Variants in TMEM135 observed in about 807,000 individuals in gnomAD.
TMEM135 encodes the protein peroxisomal membrane protein 52.
In TMEM135, 30 loss-of-function variants were observed where a neutral mutation model predicts 60.3. That is an observed-to-expected ratio of 0.50 (90% CI 0.37 to 0.68). The LOEUF is 0.68. Ranked by LOEUF, TMEM135 falls within the 30% of genes least tolerant of loss-of-function variation. The probability of loss-of-function intolerance (pLI) is 0.00; values close to 1 mark genes in which losing one functional copy is unlikely to be tolerated. For synonymous variants in TMEM135, 190 were observed against 186.7 expected (o/e 1.02, Z -0.14); for missense variants, 468 against 548.8 (o/e 0.85, Z 1.47).
intron 5 of TMEM135, among the ~76,000 whole-genome samples, chr11:87,232,967 A>G (rs771695918): frequency 4.8e-4 from 73 of 152,180 alleles, no homozygotes; most frequent in Non-Finnish European, 6.9e-4. Flanking sequence ...CCTGGCTGAC[A>G]TGGTGAAACC....
At chr11:87,279,081 A>G (rs1288864898) in intron 6 of TMEM135, among the ~76,000 whole-genome samples, 2 of 151,872 alleles carry the variant, frequency 1.3e-5, no homozygotes, top group East Asian at 1.9e-4. Flanking sequence ...ATATGCCACA[A>G]TTTGTTTATG....
At chr11:87,191,130 G>A (rs2135316632) in intron 5 of TMEM135, among the ~76,000 whole-genome samples, 1 of 152,176 alleles carries the variant, frequency 6.6e-6, no homozygotes, top group South Asian at 2.1e-4. Flanking sequence ...CTCTCCATAA[G>A]TTTGCTTCGT....
Position 87,324,117 on chromosome 11 carries a change from C to T in TMEM135, c.*2784C>T, listed in dbSNP as rs1942875957. 1 of 453,964 alleles carries T rather than the reference C, an allele frequency of 2.2e-6. No individual in the cohort carries two copies. The highest frequency in any genetic ancestry group is 1.6e-5 in the South Asian group (1 of 64,478). The allele number at this position is 453,964 out of a possible 1,614,324, so 28.1% of individuals were successfully genotyped here. ...TTTCTTGTTGTGCTCGAGTGTTCGT[C>T]TCCTTGTAGATTGTATCTAGGCTAA... On this transcript the variant is annotated 3_prime_UTR_variant, in exon 15 of 15. Transcript: ENST00000305494.
chr11:87,132,510 T>G (rs114715110), intron 4 of TMEM135, among the ~76,000 whole-genome samples: 8 of 152,158 alleles, frequency 5.3e-5, no homozygotes, highest in Non-Finnish European at 7.3e-5. Flanking sequence ...GTACATGATA[T>G]TGGATTCATT....
chr11:87,114,132 CTCA>C (rs1257505731), intron 4 of TMEM135, among the ~76,000 whole-genome samples: 2 of 151,972 alleles, frequency 1.3e-5, no homozygotes, highest in Non-Finnish European at 2.9e-5. Context: ...GAGTTTACCT[CTCA>C]TCTAGTCTCT....
intron 4 of TMEM135, among the ~76,000 whole-genome samples, chr11:87,127,592 T>A (rs978537256): frequency 1.5e-4 from 23 of 152,300 alleles, no homozygotes; most frequent in Admixed American, 1.5e-3. Context: ...TTATATAAAT[T>A]CAAACAAAAC....
At chr11:87,062,534 G>A (rs916052663) in intron 1 of TMEM135, among the ~76,000 whole-genome samples, 1 of 149,668 alleles carries the variant, frequency 6.7e-6, no homozygotes, top group Non-Finnish European at 1.5e-5. Context: ...TGTGATCTCA[G>A]CTCACTGCAA....
In TMEM135 at chr11:87,109,429, A is replaced by C. The variant is rs528157007; in HGVS notation, c.396+18034A>C. 3.3e-5 allele frequency among the ~76,000 whole-genome samples: 5 copies of C among 152,342 alleles called. No individual in the cohort carries two copies. In the East Asian group the frequency reaches 9.6e-4, roughly 29 times the overall value. On this transcript the variant is annotated intron_variant, in intron 4 of 14. Transcript: ENST00000305494. ...ATACACTGTAATAAAAGTTATGTGA[A>C]TGTGGTATCTCTGTGTCTCTGAGAA...
At chr11:87,038,222 G>C (rs777818683) in intron 1 of TMEM135, 36 bp downstream of exon 1, 5 of 1,613,378 alleles carry the variant, frequency 3.1e-6, no homozygotes, top group Non-Finnish European at 4.2e-6. Flanking sequence ...GGCGAGTTTA[G>C]TCTGGAAGAT....
intron 12 of TMEM135, among the ~76,000 whole-genome samples, chr11:87,317,179 A>G (rs1321120954): frequency 1.3e-5 from 2 of 152,044 alleles, no homozygotes; most frequent in Admixed American, 1.3e-4. Context: ...TTAACTTAGA[A>G]TCTGGTTTAT....
intron 5 of TMEM135, among the ~76,000 whole-genome samples, chr11:87,235,645 G>T (rs571371782): frequency 3.3e-5 from 5 of 152,032 alleles, no homozygotes; most frequent in South Asian, 2.1e-4. Flanking sequence ...TTATTTGTCT[G>T]TGATGTGAGG....
At chr11:87,169,184 C>T (rs1939156934) in intron 5 of TMEM135, among the ~76,000 whole-genome samples, 1 of 150,018 alleles carries the variant, frequency 6.7e-6, no homozygotes, top group African/African-American at 2.5e-5. Context: ...TTATTTTGAG[C>T]CTATGTGTGT....
intron 4 of TMEM135, among the ~76,000 whole-genome samples, chr11:87,153,344 G>A (rs1425336680): frequency 6.6e-6 from 1 of 152,070 alleles, no homozygotes; most frequent in African/African-American, 2.4e-5. Context: ...AGGCTCTTGT[G>A]GTCTTTTGAC....
intron 5 of TMEM135, among the ~76,000 whole-genome samples, chr11:87,230,340 A>G (rs1300881002): frequency 6.6e-6 from 1 of 152,100 alleles, no homozygotes; most frequent in Non-Finnish European, 1.5e-5. Context: ...AAAAGTGAAA[A>G]CAGCAATTTC....
At chr11:87,316,294 GAGAGAGAGAGACAGAGAA>G (rs1011722305) in intron 12 of TMEM135, among the ~76,000 whole-genome samples, 3 of 151,796 alleles carry the variant, frequency 2.0e-5, no homozygotes, top group African/African-American at 7.2e-5. Context: ...GTGAGAGAGA[GAGAGAGAGAGACAGAGAA>G]AGAGAGAGAG....
chr11:87,041,351 A>G (rs1379661739), intron 1 of TMEM135, among the ~76,000 whole-genome samples: 4 of 150,920 alleles, frequency 2.7e-5, no homozygotes, highest in African/African-American at 7.3e-5. Context: ...TGTGCATGCT[A>G]TTGAGGTTTC....
At chr11:87,220,557 A>C (rs1005454564) in intron 5 of TMEM135, among the ~76,000 whole-genome samples, 1 of 152,216 alleles carries the variant, frequency 6.6e-6, no homozygotes, top group East Asian at 1.9e-4. Context: ...GAGTTGTTCT[A>C]CTCTGCTAAG....
At chr11:87,233,220 A>G (rs1277849272) in intron 5 of TMEM135, among the ~76,000 whole-genome samples, 2 of 152,046 alleles carry the variant, frequency 1.3e-5, no homozygotes, top group African/African-American at 4.8e-5. Context: ...AAAAAACAGT[A>G]AGAGACAAGT....
At chr11:87,131,801 C>A (rs559246461) in intron 4 of TMEM135, among the ~76,000 whole-genome samples, 1 of 152,154 alleles carries the variant, frequency 6.6e-6, no homozygotes, top group Non-Finnish European at 1.5e-5. Flanking sequence ...CTGGGCCATA[C>A]AACAGGAGGT....
Sources: allele counts gnomAD v4.1 joint callset (sites outside exome capture counted in the v4.1 genomes callset), GRCh38; gene constraint gnomAD v4.1.1; transcripts MANE v1.5; gene names NCBI Gene and HGNC (gene_info 2026-07-23, HGNC 2026-07-21).